PCDHA2: variants seen among roughly 807,000 people sequenced by gnomAD.
PCDHA2 encodes protocadherin alpha 2.
In PCDHA2, 58 loss-of-function variants were observed where a neutral mutation model predicts 66.0. The observed-to-expected ratio is 0.88, with a 90% CI of 0.71 to 1.09. The LOEUF (loss-of-function observed/expected upper bound fraction) is 1.09, where lower values mean the gene tolerates loss of function less well. Among genes scored for constraint, PCDHA2 ranks in the 50% least tolerant of loss-of-function variants. The pLI, the probability that PCDHA2 is intolerant of heterozygous loss-of-function variation, is 0.00. For missense variants in PCDHA2, 1,267 were observed against 1,242.3 expected (o/e 1.02, Z -0.30); for synonymous variants, 634 against 554.0 (o/e 1.14, Z -2.03).
chr5:140,829,874 C>T lies in PCDHA2; in HGVS notation c.2388+32522C>T, dbSNP rs2150176706. ...TGCAGGCCAAGTGGTGGCGAAGGTGCGCGCAGTTGACGCCGACTCAGGCTA... is the reference window on the plus strand; with the variant it reads ...TGCAGGCCAAGTGGTGGCGAAGGTGTGCGCAGTTGACGCCGACTCAGGCTA... On this transcript the variant is annotated intron_variant, in intron 1 of 3. Transcript: ENST00000526136. The T allele has an allele frequency of 1.2e-5, 19 of 1,613,808 alleles. No individual in the cohort carries two copies. In the South Asian group the frequency reaches 1.8e-4, roughly 15 times the overall value.
rs564801749 is a variant in PCDHA2, at chr5:140,919,703, A to G, written c.2389-59246A>G. Among the ~76,000 whole-genome samples the G allele has an allele frequency of 6.4e-4, 98 of 152,318 alleles. No individual in the cohort carries two copies. In the South Asian group the frequency reaches 0.011, roughly 16 times the overall value. ...TCTGCTTCAGATTTATATTAACTTA[A>G]TTCTAGTGAGATATAAATATGTTAC... On this transcript the variant is annotated intron_variant, in intron 1 of 3. Transcript: ENST00000526136.
At chr5:140,874,496 T>A (rs1352627184) in intron 1 of PCDHA2, among the ~76,000 whole-genome samples, 1 of 152,214 alleles carries the variant, frequency 6.6e-6, no homozygotes, top group Non-Finnish European at 1.5e-5. Context: ...TGATATCAAG[T>A]TCACATTCTC....
intron 1 of PCDHA2, among the ~76,000 whole-genome samples, chr5:140,947,190 C>T (rs1292127049): frequency 6.6e-6 from 1 of 151,120 alleles, no homozygotes; most frequent in Non-Finnish European, 1.5e-5. Flanking sequence ...TGGTATACTA[C>T]ACAGCCTTAA....
At chr5:140,839,813 C>A (rs1776427171) in intron 1 of PCDHA2, among the ~76,000 whole-genome samples, 1 of 151,938 alleles carries the variant, frequency 6.6e-6, no homozygotes, top group Non-Finnish European at 1.5e-5. Context: ...TAATTGCCTA[C>A]TATGAAGGCA....
At chr5:140,902,125 A>G (rs530625414) in intron 1 of PCDHA2, among the ~76,000 whole-genome samples, 27 of 150,728 alleles carry the variant, frequency 1.8e-4, no homozygotes, top group African/African-American at 6.1e-4. Context: ...CTGAGATTAT[A>G]TCATCTGCAA....
intron 3 of PCDHA2, among the ~76,000 whole-genome samples, chr5:141,005,068 A>C (rs1314916800): frequency 6.6e-6 from 1 of 152,256 alleles, no homozygotes. Flanking sequence ...GCATTGTGCT[A>C]AGGATCAAGC....
At chr5:140,867,550 C>G (rs2153229616) in intron 1 of PCDHA2, 1 of 152,198 alleles carries the variant, frequency 6.6e-6, no homozygotes, top group South Asian at 2.1e-4. Flanking sequence ...TTAGCATACA[C>G]ATATGATAAC....
Position 140,797,008 on chromosome 5 carries a change from G to A in PCDHA2, c.2044G>A (p.Ala682Thr). ...SGQAPKASSR[A>T]WVGAAGSEAT... ...CCAGGCACCCAAGGCCTCGTCGCGG[G>A]CGTGGGTGGGCGCCGCGGGCTCAGA... The change falls in exon 1 of 4, where the codon GCG (alanine) becomes ACG (threonine). Residue 682 changes from alanine (A) to threonine (T), a missense_variant. Coordinates refer to ENST00000526136, the MANE Select transcript of PCDHA2 (RefSeq NM_018905.3). The A allele has an allele frequency of 6.2e-7, 1 of 1,613,712 alleles. No homozygotes were observed. Among genetic ancestry groups the A allele is most frequent in the Non-Finnish European group, 8.5e-7 (1 of 1,179,966 alleles).
At chr5:140,842,970 C>T in intron 1 of PCDHA2, 1 of 1,594,990 alleles carries the variant, frequency 6.3e-7, no homozygotes, top group Non-Finnish European at 8.6e-7. Flanking sequence ...AGCAACGTGA[C>T]GCTGCAGGTG....
chr5:140,808,640 CA>C, intron 1 of PCDHA2: 3 of 1,613,456 alleles, frequency 1.9e-6, no homozygotes, highest in Non-Finnish European at 2.5e-6. Context: ...CGCGGACGCG[CA>C]GGAGAACGCG....
At chr5:140,969,297 T>C in intron 1 of PCDHA2, 2 of 1,614,200 alleles carry the variant, frequency 1.2e-6, no homozygotes, top group Non-Finnish European at 1.7e-6. Context: ...GGGAACCTGA[T>C]TATTCTCAAA....
At chr5:140,962,428 C>G (rs1359949802) in intron 1 of PCDHA2, among the ~76,000 whole-genome samples, 1 of 152,136 alleles carries the variant, frequency 6.6e-6, no homozygotes, top group Non-Finnish European at 1.5e-5. Flanking sequence ...TTTATTGTTA[C>G]TTATCCAAAG....
chr5:140,843,494 G>A, intron 1 of PCDHA2: 1 of 1,596,028 alleles, frequency 6.3e-7, no homozygotes, highest in Non-Finnish European at 8.6e-7. Context: ...GCGGTGCTCA[G>A]CACTGCCCAC....
At chr5:140,806,869 C>A (rs1157742828) in intron 1 of PCDHA2, 1 of 379,890 alleles carries the variant, frequency 2.6e-6, no homozygotes, top group South Asian at 3.8e-5. Flanking sequence ...CAATGTGTAC[C>A]ACAGTAGTAC....
chr5:140,836,263 A>T, intron 1 of PCDHA2: 3 of 1,613,768 alleles, frequency 1.9e-6, no homozygotes, highest in Non-Finnish European at 2.5e-6. Flanking sequence ...GTGGGGCTGT[A>T]CACTGGTGAG....
intron 1 of PCDHA2, chr5:140,869,160 C>G (rs201759355): frequency 6.2e-7 from 1 of 1,613,768 alleles, no homozygotes; most frequent in African/African-American, 1.3e-5. Flanking sequence ...TCTGGCTTCT[C>G]CTCCTCGAAT....
At position 140,977,800 on chromosome 5, in the gene PCDHA2, T is replaced by G. The variant is rs572772764; in HGVS notation, c.2389-1149T>G. On this transcript the variant is annotated intron_variant, in intron 1 of 3. Coordinates refer to ENST00000526136, the MANE Select transcript of PCDHA2 (RefSeq NM_018905.3). Reference sequence around the variant, plus strand: ...AAAGGAACTATATGAATGATAGGAATAAGAATTATTGACAGTTTTGAATGG... The same window carrying G: ...AAAGGAACTATATGAATGATAGGAAGAAGAATTATTGACAGTTTTGAATGG... Among the ~76,000 whole-genome samples, 3 of 152,356 alleles carry G rather than the reference T, an allele frequency of 2.0e-5. No individual in the cohort carries two copies. In the East Asian group the frequency reaches 5.8e-4, roughly 29 times the overall value.
intron 1 of PCDHA2, among the ~76,000 whole-genome samples, chr5:140,904,491 T>G (rs2071172626): frequency 6.6e-6 from 1 of 151,972 alleles, no homozygotes; most frequent in Non-Finnish European, 1.5e-5. Context: ...TGATTCCAAA[T>G]TTTTACAATT....
chr5:140,841,458 G>T (rs2150315915), intron 1 of PCDHA2: 2 of 1,612,756 alleles, frequency 1.2e-6, no homozygotes, highest in African/African-American at 2.7e-5. Flanking sequence ...ACCTTCGTGG[G>T]CCGGATCGCG....
Sources: allele counts gnomAD v4.1 joint callset (sites outside exome capture counted in the v4.1 genomes callset), GRCh38; gene constraint gnomAD v4.1.1; transcripts MANE v1.5; gene names NCBI Gene and HGNC (gene_info 2026-07-23, HGNC 2026-07-21).